PDCD6IP: variants seen among roughly 807,000 people sequenced by gnomAD.
PDCD6IP encodes the protein programmed cell death 6-interacting protein.
In PDCD6IP, 43 loss-of-function variants were observed where a neutral mutation model predicts 103.7. The observed-to-expected ratio is 0.41, with a 90% CI of 0.32 to 0.53. The LOEUF (loss-of-function observed/expected upper bound fraction) is 0.53, where lower values mean the gene tolerates loss of function less well. Among genes scored for constraint, PDCD6IP ranks in the 20% least tolerant of loss-of-function variants. The pLI is 0.16. For missense variants in PDCD6IP, 871 were observed against 1,036.7 expected (o/e 0.84, Z 2.20); for synonymous variants, 354 against 378.7 (o/e 0.93, Z 0.76).
intron 15 of PDCD6IP, among the ~76,000 whole-genome samples, chr3:33,856,478 G>A (rs1306995854): frequency 6.7e-6 from 1 of 149,478 alleles, no homozygotes; most frequent in Admixed American, 6.7e-5. Flanking sequence ...GAATTAGAGA[G>A]AAAATGGGCA....
intron 1 of PDCD6IP, among the ~76,000 whole-genome samples, chr3:33,803,735 A>AC (rs1158099864): frequency 5.3e-5 from 8 of 151,988 alleles, no homozygotes; most frequent in Admixed American, 6.6e-5. Flanking sequence ...GTTTGGAGCC[A>AC]CCTTTTCTTT....
At chr3:33,860,252 A>T (rs1240363890) in intron 15 of PDCD6IP, among the ~76,000 whole-genome samples, 1 of 152,190 alleles carries the variant, frequency 6.6e-6, no homozygotes, top group South Asian at 2.1e-4. Context: ...ACACTTGTCA[A>T]GTATTTTCAG....
chr3:33,841,903 A>G lies in PDCD6IP; in HGVS notation c.1188A>G (p.Leu396=), dbSNP rs775462775. The stretch of plus-strand genomic sequence containing the variant: ...TAGTATCTCATTTTTTCAGGGTGCT[A>G]GCTTCCCTTAATCTTCCAGCAGCAA... ...REATTLANGV[L]ASLNLPAAIE... is the part of the protein sequence containing the mutation. Residue 396 remains leucine (L), a synonymous_variant, in exon 10 of 18, where the codon CTA becomes CTG. Coordinates refer to ENST00000307296, the MANE Select transcript of PDCD6IP (RefSeq NM_013374.6). The G allele has an allele frequency of 1.6e-5, 25 of 1,564,760 alleles. No individual in the cohort carries two copies. Among genetic ancestry groups the G allele is most frequent in the South Asian group, 3.5e-5 (3 of 86,510 alleles).
At chr3:33,861,367 T>C (rs1356564821) in intron 15 of PDCD6IP, among the ~76,000 whole-genome samples, 1 of 152,178 alleles carries the variant, frequency 6.6e-6, no homozygotes, top group Non-Finnish European at 1.5e-5. Context: ...GGTCTTGAAC[T>C]CCTGACCTCC....
At chr3:33,861,365 A>T in intron 15 of PDCD6IP, among the ~76,000 whole-genome samples, 1 of 150,994 alleles carries the variant, frequency 6.6e-6, no homozygotes. Context: ...CTGGTCTTGA[A>T]CTCCTGACCT....
At chr3:33,828,683 C>G (rs796155612) in intron 6 of PDCD6IP, 170 bp from the exon 7 acceptor site, 7 of 497,788 alleles carry the variant, frequency 1.4e-5, no homozygotes, top group African/African-American at 1.4e-4. Context: ...TCAATCCACA[C>G]AAAATCATGT....
intron 7 of PDCD6IP, among the ~76,000 whole-genome samples, chr3:33,832,944 T>G (rs1697272662): frequency 6.6e-6 from 1 of 152,188 alleles, no homozygotes. Flanking sequence ...GTTGTGTAAC[T>G]ATGATGGTCA....
At chr3:33,858,170 T>G (rs1182993446) in intron 15 of PDCD6IP, among the ~76,000 whole-genome samples, 2 of 152,172 alleles carry the variant, frequency 1.3e-5, no homozygotes, top group East Asian at 3.8e-4. Flanking sequence ...GAGACCCACT[T>G]ACAGTAGCAA....
intron 11 of PDCD6IP, among the ~76,000 whole-genome samples, chr3:33,844,760 C>T (rs926724578): frequency 2.0e-5 from 3 of 152,094 alleles, no homozygotes; most frequent in African/African-American, 7.2e-5. Context: ...AGATTACAGG[C>T]TTGAACCACC....
chr3:33,838,788 A>G (rs1033918178), intron 9 of PDCD6IP, among the ~76,000 whole-genome samples: 1 of 150,924 alleles, frequency 6.6e-6, no homozygotes, highest in Non-Finnish European at 1.5e-5. Flanking sequence ...ATATATATAT[A>G]TTTATGTATA....
chr3:33,858,145 A>G (rs1001564651), intron 15 of PDCD6IP, among the ~76,000 whole-genome samples: 2 of 152,228 alleles, frequency 1.3e-5, no homozygotes, highest in Non-Finnish European at 2.9e-5. Flanking sequence ...ATAAACCTAT[A>G]GAGGATAAGA....
intron 15 of PDCD6IP, among the ~76,000 whole-genome samples, chr3:33,858,960 G>A (rs1203758301): frequency 1.3e-5 from 2 of 152,080 alleles, no homozygotes; most frequent in Non-Finnish European, 2.9e-5. Flanking sequence ...TAAAGTTCAA[G>A]TAGAAAAAGA....
intron 8 of PDCD6IP, among the ~76,000 whole-genome samples, chr3:33,837,883 C>T (rs1185318733): frequency 2.6e-5 from 4 of 152,310 alleles, no homozygotes; most frequent in East Asian, 1.9e-4. Flanking sequence ...CCACTGCTCC[C>T]GGCCCCTCAT....
At chr3:33,854,085 G>T (rs1697778270) in intron 14 of PDCD6IP, 72 bp downstream of exon 14, 1 of 1,460,218 alleles carries the variant, frequency 6.8e-7, no homozygotes, top group Non-Finnish European at 9.0e-7. Flanking sequence ...AAGTTAAGTG[G>T]TATTTCCAGT....
intron 1 of PDCD6IP, among the ~76,000 whole-genome samples, chr3:33,808,883 C>T (rs1339881159): frequency 6.6e-6 from 1 of 152,190 alleles, no homozygotes; most frequent in East Asian, 1.9e-4. Context: ...CTCCCTTGCT[C>T]ACTCTATGAT....
In PDCD6IP at chr3:33,853,963, G is replaced by T. The variant is rs1299390220; in HGVS notation, c.1975G>T (p.Ala659Ser). 2 of 1,589,548 alleles carry T rather than the reference G, an allele frequency of 1.3e-6. No homozygotes were observed. The change falls in exon 14 of 18, where the codon GCA becomes TCA. Residue 659 changes from alanine to serine, a missense_variant. Around this residue, in one of 5 missense-constraint regions of PDCD6IP, gnomAD observed 266 missense variants for 390.5 expected, o/e 0.68. Coordinates refer to ENST00000307296, the MANE Select transcript of PDCD6IP (RefSeq NM_013374.6). ...AGAAGTTTTGAAGAATTTAGCTACT[G>T]CATATGACAACTTTGTTGAACTTGT... The part of the protein sequence containing the change: ...REEVLKNLAT[A>S]YDNFVELVAN...
intron 8 of PDCD6IP, among the ~76,000 whole-genome samples, chr3:33,837,169 C>G (rs71325166): frequency 6.6e-6 from 1 of 152,176 alleles, no homozygotes; most frequent in Admixed American, 6.5e-5. Context: ...ATCCACCTGC[C>G]TCAGCCTCCC....
At chr3:33,847,377 C>T (rs983953640) in intron 12 of PDCD6IP, among the ~76,000 whole-genome samples, 5 of 152,138 alleles carry the variant, frequency 3.3e-5, no homozygotes, top group African/African-American at 9.7e-5. Flanking sequence ...ATAGTCAATA[C>T]GAAGTAATTT....
intron 2 of PDCD6IP, 114 bp from the exon 3 acceptor site, chr3:33,813,445 A>G: frequency 1.5e-6 from 1 of 670,840 alleles, no homozygotes; most frequent in East Asian, 2.6e-5. Flanking sequence ...ATAGGAGATA[A>G]TATTTTGAGC....
Sources: allele counts gnomAD v4.1 joint callset (sites outside exome capture counted in the v4.1 genomes callset), GRCh38; gene constraint gnomAD v4.1.1; regional missense constraint gnomAD v4.1.1; transcripts MANE v1.5; gene names NCBI Gene and HGNC (gene_info 2026-07-23, HGNC 2026-07-21).